Variants in AGBL4 observed in about 807,000 individuals in gnomAD.
AGBL4 encodes the protein AGBL carboxypeptidase 4.
AGBL4 carries 58 observed loss-of-function variants against 66.4 expected under a neutral mutation model. That is an observed-to-expected ratio of 0.87 (90% CI 0.71 to 1.09). The LOEUF (loss-of-function observed/expected upper bound fraction) is 1.09, where lower values mean the gene tolerates loss of function less well. Ranked by LOEUF, AGBL4 falls within the 50% of genes least tolerant of loss-of-function variation. The probability of loss-of-function intolerance (pLI) is 0.00; values close to 1 mark genes in which losing one functional copy is unlikely to be tolerated. For synonymous variants in AGBL4, 234 were observed against 222.9 expected (o/e 1.05, Z -0.44); for missense variants, 579 against 631.0 (o/e 0.92, Z 0.88).
rs1027665289 is a variant in AGBL4 at position 48,787,663 on chromosome 1, T to C, written c.634+79528A>G. 4.6e-5 allele frequency among the ~76,000 whole-genome samples: 7 copies of C among 152,174 alleles called. No homozygotes were observed. In the South Asian group the frequency reaches 6.2e-4, roughly 14 times the overall value. On this transcript the variant is annotated intron_variant, in intron 6 of 13. Coordinates refer to ENST00000371839, the MANE Select transcript of AGBL4 (RefSeq NM_032785.4). ...AGGGGATGTATTGGGGTGCAGAATA[T>C]TAAAACCCCACCTCCCCATCTTTAT...
chr1:49,318,581 T>TA (rs1168361469), intron 3 of AGBL4, among the ~76,000 whole-genome samples: 1 of 152,062 alleles, frequency 6.6e-6, no homozygotes, highest in Non-Finnish European at 1.5e-5. Context: ...AAGAATCTAG[T>TA]AAAAAACATT....
chr1:48,857,865 C>T (rs550832303), intron 6 of AGBL4, among the ~76,000 whole-genome samples: 1 of 151,862 alleles, frequency 6.6e-6, no homozygotes, highest in Admixed American at 6.6e-5. Flanking sequence ...CAAAGAACAA[C>T]AATAAAGAAG....
intron 3 of AGBL4, among the ~76,000 whole-genome samples, chr1:49,401,113 A>G (rs1645075894): frequency 6.6e-6 from 1 of 152,214 alleles, no homozygotes; most frequent in Non-Finnish European, 1.5e-5. Flanking sequence ...TAATTTATAA[A>G]GAAAAGAGGT....
At chr1:48,597,835 GAAAA>G (rs1172084867) in intron 9 of AGBL4, among the ~76,000 whole-genome samples, 1 of 138,962 alleles carries the variant, frequency 7.2e-6, no homozygotes, top group African/African-American at 2.7e-5. Flanking sequence ...GAGAAAGAGA[GAAAA>G]AGAAAGGAAG....
At chr1:49,309,396 AGTGGCGCT>A (rs1644905716) in intron 3 of AGBL4, among the ~76,000 whole-genome samples, 1 of 152,052 alleles carries the variant, frequency 6.6e-6, no homozygotes, top group Admixed American at 6.6e-5. Context: ...CTGTGTCAAG[AGTGGCGCT>A]AGAATCTGAA....
At chr1:49,397,150 C>G (rs1203325000) in intron 3 of AGBL4, among the ~76,000 whole-genome samples, 1 of 151,990 alleles carries the variant, frequency 6.6e-6, no homozygotes, top group Non-Finnish European at 1.5e-5. Context: ...CCTAACAGGC[C>G]ACAAACCAGT....
At chr1:49,234,173 A>G (rs1407057384) in intron 4 of AGBL4, among the ~76,000 whole-genome samples, 2 of 152,202 alleles carry the variant, frequency 1.3e-5, no homozygotes, top group Non-Finnish European at 2.9e-5. Context: ...TGGTCAATCC[A>G]ATATTACAGT....
At chr1:49,267,017 C>G (rs897288369) in intron 3 of AGBL4, among the ~76,000 whole-genome samples, 1 of 152,194 alleles carries the variant, frequency 6.6e-6, no homozygotes, top group African/African-American at 2.4e-5. Flanking sequence ...GAAACGCATA[C>G]TGTTATGGAG....
rs777111579 is a variant in AGBL4 at position 49,043,618 on chromosome 1, T to C, written c.594+1966A>G. Among the ~76,000 whole-genome samples the C allele has an allele frequency of 8.5e-5, 13 of 152,330 alleles. No individual in the cohort carries two copies. In the South Asian group the frequency reaches 1.2e-3, roughly 15 times the overall value. On this transcript the variant is annotated intron_variant, in intron 5 of 13. Transcript: ENST00000371839. ...AAATTATCCTAATTTGAGGCTGCCA[T>C]CTGTTTCCTGCTAGCATGCTGACTC... is the stretch of plus-strand genomic sequence containing the variant.
At chr1:49,210,435 C>T (rs913327393) in intron 4 of AGBL4, among the ~76,000 whole-genome samples, 2 of 152,036 alleles carry the variant, frequency 1.3e-5, no homozygotes, top group Non-Finnish European at 2.9e-5. Context: ...TATTTCCATA[C>T]ACATTCTGAA....
intron 3 of AGBL4, among the ~76,000 whole-genome samples, chr1:49,661,958 C>T (rs1414124699): frequency 1.3e-5 from 2 of 151,898 alleles, no homozygotes; most frequent in African/African-American, 2.4e-5. Flanking sequence ...GGTGCTATAA[C>T]CATGCAATTA....
chr1:48,950,388 G>C lies in AGBL4; in HGVS notation c.595-83158C>G, dbSNP rs191174727. 4.3e-4 allele frequency among the ~76,000 whole-genome samples: 65 copies of C among 152,238 alleles called. 2 individuals are homozygous for C. The East Asian group carries it at 9.9e-3, about 23-fold the overall frequency. ...GTTGGGATTACAGGCGTGAGCCACC[G>C]CACCTGGCCGACCTCATTTTAACAA... On this transcript the variant is annotated intron_variant, in intron 5 of 13. Transcript: ENST00000371839.
intron 10 of AGBL4, 75 bp from the exon 11 acceptor site, chr1:48,587,241 C>T (rs771679005): frequency 2.1e-6 from 3 of 1,432,466 alleles, no homozygotes; most frequent in Non-Finnish European, 2.8e-6. Context: ...TTTTACAACA[C>T]CTCTGGGTCT....
At chr1:49,415,050 T>C (rs972207598) in intron 3 of AGBL4, among the ~76,000 whole-genome samples, 1 of 152,134 alleles carries the variant, frequency 6.6e-6, no homozygotes, top group African/African-American at 2.4e-5. Context: ...TCTGAGGTCA[T>C]GTAGAAAGTT....
At chr1:49,146,574 C>G (rs1025702062) in intron 4 of AGBL4, among the ~76,000 whole-genome samples, 7 of 152,164 alleles carry the variant, frequency 4.6e-5, no homozygotes, top group African/African-American at 1.7e-4. Flanking sequence ...GAGAAAAACT[C>G]TTCTTCCCCA....
intron 8 of AGBL4, among the ~76,000 whole-genome samples, chr1:48,635,367 A>C (rs1645651688): frequency 6.6e-6 from 1 of 152,200 alleles, no homozygotes; most frequent in Non-Finnish European, 1.5e-5. Flanking sequence ...GGAGAACCCC[A>C]TTTCTTATCA....
intron 3 of AGBL4, among the ~76,000 whole-genome samples, chr1:49,277,389 T>C (rs1433553564): frequency 2.0e-5 from 3 of 152,316 alleles, no homozygotes; most frequent in East Asian, 1.9e-4. Context: ...ACATGATATG[T>C]TACAAATCAA....
intron 6 of AGBL4, among the ~76,000 whole-genome samples, chr1:48,665,887 T>C (rs1646178792): frequency 6.6e-6 from 1 of 152,240 alleles, no homozygotes. Context: ...GCTAACTTTA[T>C]GGATGTCTCC....
chr1:48,824,093 C>T (rs1236586186), intron 6 of AGBL4, among the ~76,000 whole-genome samples: 2 of 152,164 alleles, frequency 1.3e-5, no homozygotes, highest in African/African-American at 4.8e-5. Context: ...CTCTCTTCCT[C>T]CCTCCCTTCT....
Sources: allele counts gnomAD v4.1 joint callset (sites outside exome capture counted in the v4.1 genomes callset), GRCh38; gene constraint gnomAD v4.1.1; transcripts MANE v1.5; gene names NCBI Gene and HGNC (gene_info 2026-07-23, HGNC 2026-07-21).